Variants in SORCS2 observed in about 807,000 individuals in gnomAD.
The protein encoded by SORCS2 is VPS10 domain-containing receptor SorCS2.
SORCS2 carries 100 observed loss-of-function variants against 141.6 expected under a neutral mutation model. The ratio of observed to expected loss-of-function variants is 0.71; its 90% CI spans 0.60 to 0.83. The LOEUF (loss-of-function observed/expected upper bound fraction) is 0.83, where lower values mean the gene tolerates loss of function less well. Among genes scored for constraint, SORCS2 ranks in the 40% least tolerant of loss-of-function variants. SORCS2 has a pLI of 0.00. For missense variants in SORCS2, 1,646 were observed against 1,560.2 expected (o/e 1.05, Z -0.93); for synonymous variants, 789 against 676.9 (o/e 1.17, Z -2.57).
intron 2 of SORCS2, among the ~76,000 whole-genome samples, chr4:7,447,720 A>G (rs1728089315): frequency 6.6e-6 from 1 of 152,156 alleles, no homozygotes; most frequent in South Asian, 2.1e-4. Context: ...GACCCCGAGG[A>G]GGCTGCTGCT....
chr4:7,725,381 A>C (rs1727145828), intron 20 of SORCS2, 94 bp downstream of exon 20: 1 of 1,485,600 alleles, frequency 6.7e-7, no homozygotes, highest in Non-Finnish European at 9.0e-7. Flanking sequence ...TTTCAGCAGA[A>C]GGAACCAGTG....
intron 2 of SORCS2, among the ~76,000 whole-genome samples, chr4:7,512,569 C>T (rs1732731136): frequency 6.6e-6 from 1 of 152,010 alleles, no homozygotes. Context: ...TTGGGCCCCT[C>T]CCCCAACCTC....
At chr4:7,539,378 C>A (rs538937302) in intron 3 of SORCS2, among the ~76,000 whole-genome samples, 1 of 152,178 alleles carries the variant, frequency 6.6e-6, no homozygotes, top group Non-Finnish European at 1.5e-5. Flanking sequence ...CCATTCAGGC[C>A]GAGCCAAGTC....
Position 7,193,112 on chromosome 4 carries a change from G to C in SORCS2, c.466G>C (p.Gly156Arg). The C allele has an allele frequency of 6.5e-7, 1 of 1,546,600 alleles. No homozygotes were observed. The highest frequency in any genetic ancestry group is 8.7e-7 in the Non-Finnish European group (1 of 1,155,652). ...CAACCAGGCGATGGTGCACTGGACG[G>C]GCGAGAACAGCAGCGTAAGTGACCT... The part of the protein sequence containing the change: ...THNQAMVHWT[G>R]ENSSVILILT... Residue 156 changes from glycine (G) to arginine (R), a missense_variant, in exon 1 of 27, where the codon GGC becomes CGC. Gly to Arg is a moderately radical substitution (Grantham distance 125). Coordinates refer to ENST00000507866, the MANE Select transcript of SORCS2 (RefSeq NM_020777.3). This position sits in a 1 kb window ranked among gnomAD's most constrained non-coding sequence, Gnocchi z 4.8.
intron 1 of SORCS2, among the ~76,000 whole-genome samples, chr4:7,363,085 TCATCAC>T (rs1379559350): frequency 6.7e-6 from 1 of 148,172 alleles, no homozygotes; most frequent in Admixed American, 6.7e-5. Context: ...ATCATCATCA[TCATCAC>T]CATCACCACT....
At chr4:7,259,542 C>T (rs1035056523) in intron 1 of SORCS2, among the ~76,000 whole-genome samples, 1 of 152,192 alleles carries the variant, frequency 6.6e-6, no homozygotes, top group Non-Finnish European at 1.5e-5. Flanking sequence ...TGACGTCAGG[C>T]CCAGGGGTGG....
intron 2 of SORCS2, among the ~76,000 whole-genome samples, chr4:7,499,326 G>A (rs1196924577): frequency 6.6e-6 from 1 of 152,188 alleles, no homozygotes; most frequent in Non-Finnish European, 1.5e-5. Flanking sequence ...TCAGGAGGGA[G>A]TGTGATGCTG....
At chr4:7,645,932 G>A (rs930045284) in intron 4 of SORCS2, among the ~76,000 whole-genome samples, 1 of 152,222 alleles carries the variant, frequency 6.6e-6, no homozygotes, top group African/African-American at 2.4e-5. Flanking sequence ...GCCGTGGTGA[G>A]TGGTTGCTAC....
At chr4:7,505,814 C>T (rs554695497) in intron 2 of SORCS2, among the ~76,000 whole-genome samples, 119 of 152,326 alleles carry the variant, frequency 7.8e-4, no homozygotes, top group Middle Eastern at 3.4e-3. Flanking sequence ...TCAGTTTTCC[C>T]GTAGGACGAA....
At chr4:7,586,703 T>C (rs1716561272) in intron 3 of SORCS2, among the ~76,000 whole-genome samples, 1 of 152,228 alleles carries the variant, frequency 6.6e-6, no homozygotes, top group South Asian at 2.1e-4. Flanking sequence ...GGTGTATATG[T>C]ACCACATTTT....
At chr4:7,640,054 AGT>A (rs371319347) in intron 4 of SORCS2, among the ~76,000 whole-genome samples, 4,310 of 77,130 alleles carry the variant, frequency 0.056, 206 homozygotes, top group African/African-American at 0.14. Flanking sequence ...TGAGAGTGTG[AGT>A]GTGTGTGTTT....
intron 1 of SORCS2, among the ~76,000 whole-genome samples, chr4:7,355,038 A>G (rs1157699597): frequency 6.6e-6 from 1 of 152,016 alleles, no homozygotes; most frequent in East Asian, 1.9e-4. Context: ...AACACCCCAC[A>G]TTTTACTGAC....
intron 1 of SORCS2, among the ~76,000 whole-genome samples, chr4:7,321,591 G>C (rs549403825): frequency 2.2e-4 from 33 of 152,302 alleles, no homozygotes; most frequent in Non-Finnish European, 3.8e-4. Flanking sequence ...CATCTCACAG[G>C]GGGGCGGACA....
At chr4:7,257,094 GGAGA>G (rs1377682652) in intron 1 of SORCS2, among the ~76,000 whole-genome samples, 3 of 152,150 alleles carry the variant, frequency 2.0e-5, no homozygotes, top group Non-Finnish European at 4.4e-5. Context: ...CTGTGGGGCA[GGAGA>G]GAGAGAAGGG....
At chr4:7,341,583 T>C (rs1720371691) in intron 1 of SORCS2, among the ~76,000 whole-genome samples, 1 of 152,188 alleles carries the variant, frequency 6.6e-6, no homozygotes, top group African/African-American at 2.4e-5. Context: ...TTTTCTGAAG[T>C]GTGAGGCCAG....
chr4:7,433,087 C>T, intron 2 of SORCS2: 1 of 392,230 alleles, frequency 2.5e-6, no homozygotes, highest in Non-Finnish European at 4.4e-6. Flanking sequence ...GAGCGGGGCA[C>T]ATGAGTGTGT....
At chr4:7,316,656 A>C (rs1156761683) in intron 1 of SORCS2, among the ~76,000 whole-genome samples, 2 of 152,242 alleles carry the variant, frequency 1.3e-5, no homozygotes, top group African/African-American at 2.4e-5. Flanking sequence ...ATTATTAGCT[A>C]TTAAGGATGA....
chr4:7,584,356 C>A (rs1716388335), intron 3 of SORCS2, among the ~76,000 whole-genome samples: 1 of 152,176 alleles, frequency 6.6e-6, no homozygotes, highest in Non-Finnish European at 1.5e-5. Flanking sequence ...GTGCCCAGTA[C>A]TGGCTGTGCT....
At chr4:7,302,281 A>G (rs1464581969) in intron 1 of SORCS2, among the ~76,000 whole-genome samples, 1 of 152,212 alleles carries the variant, frequency 6.6e-6, no homozygotes, top group East Asian at 1.9e-4. Flanking sequence ...GCCCGCAAGT[A>G]GCTTGCACGT....
Sources: allele counts gnomAD v4.1 joint callset (sites outside exome capture counted in the v4.1 genomes callset), GRCh38; gene constraint gnomAD v4.1.1; non-coding constraint Gnocchi (gnomAD v3.1); transcripts MANE v1.5; gene names NCBI Gene and HGNC (gene_info 2026-07-23, HGNC 2026-07-21).